MAPK10: variants seen among roughly 807,000 people sequenced by gnomAD.
The protein encoded by MAPK10 is JNK3 alpha protein kinase.
A neutral mutation model predicts 59.3 loss-of-function variants in MAPK10; 25 were observed. That is an observed-to-expected ratio of 0.42 (90% CI 0.31 to 0.59). MAPK10 has a LOEUF of 0.59. Among genes scored for constraint, MAPK10 ranks in the 20% least tolerant of loss-of-function variants. The pLI, the probability that MAPK10 is intolerant of heterozygous loss-of-function variation, is 0.15. For missense variants in MAPK10, 351 were observed against 568.9 expected, an observed-to-expected ratio of 0.62 and a Z score of 3.90; for synonymous variants, 190 against 200.5, an observed-to-expected ratio of 0.95 and a Z score of 0.44.
At chr4:86,203,679 C>T (rs1294941818) in intron 2 of MAPK10, among the ~76,000 whole-genome samples, 4 of 150,008 alleles carry the variant, frequency 2.7e-5, no homozygotes, top group African/African-American at 9.8e-5. Context: ...TACAAGAACA[C>T]AAAGTCATTG....
intron 4 of MAPK10, among the ~76,000 whole-genome samples, chr4:86,144,680 T>C (rs560931537): frequency 1.3e-5 from 2 of 152,304 alleles, no homozygotes; most frequent in South Asian, 4.1e-4. Flanking sequence ...AGATTCATAA[T>C]TTCTTATTGA....
chr4:86,496,528 A>G (rs1370592145), intron 1 of MAPK10, among the ~76,000 whole-genome samples: 1 of 152,216 alleles, frequency 6.6e-6, no homozygotes, highest in Non-Finnish European at 1.5e-5. Flanking sequence ...AGTACATGAT[A>G]CAACAGGTAC....
intron 11 of MAPK10, among the ~76,000 whole-genome samples, chr4:86,042,007 A>G (rs1437665160): frequency 1.3e-5 from 2 of 152,256 alleles, no homozygotes; most frequent in Non-Finnish European, 2.9e-5. Flanking sequence ...TTCTAAAGAC[A>G]CATGCACACA....
chr4:86,181,574 GA>G (rs1401068673), intron 3 of MAPK10, among the ~76,000 whole-genome samples: 1 of 152,108 alleles, frequency 6.6e-6, no homozygotes, highest in African/African-American at 2.4e-5. Flanking sequence ...TGAGGATGTT[GA>G]AAAATTGATT....
chr4:86,376,236 A>C (rs1028156566), intron 1 of MAPK10, among the ~76,000 whole-genome samples: 1 of 152,198 alleles, frequency 6.6e-6, no homozygotes, highest in African/African-American at 2.4e-5. Flanking sequence ...CTCCCCACTC[A>C]AAAGCTTGTC....
In MAPK10 at chr4:86,012,165, C is replaced by T. The variant is rs1741523297; in HGVS notation, c.*5063G>A. On this transcript the variant is annotated 3_prime_UTR_variant, in exon 14 of 14. Coordinates refer to ENST00000641462, the MANE Select transcript of MAPK10 (RefSeq NM_138982.4). ...ACCTTAAAAAGAAATTACTGAATTG[C>T]AGATATACAACTAGTATCTACAGAC... 6.6e-6 allele frequency: 1 copy of T among 152,092 alleles called. No homozygotes were observed. The highest frequency in any genetic ancestry group is 1.5e-5 in the Non-Finnish European group (1 of 68,010). The allele number at this position is 152,092 out of a possible 1,614,324, so 9.4% of individuals were successfully genotyped here. A position where few individuals can be genotyped will look rare whatever the true frequency, so the allele number is the denominator to read the frequency against.
intron 1 of MAPK10, among the ~76,000 whole-genome samples, chr4:86,430,862 C>A (rs1449126402): frequency 1.3e-5 from 2 of 152,118 alleles, no homozygotes; most frequent in Non-Finnish European, 2.9e-5. Context: ...AATATAGGAC[C>A]TTACCCTGAG....
intron 1 of MAPK10, among the ~76,000 whole-genome samples, chr4:86,480,976 G>C (rs747094677): frequency 2.6e-5 from 4 of 152,160 alleles, no homozygotes; most frequent in South Asian, 2.1e-4. Context: ...AACCAACAAG[G>C]CTGTCCATTC....
intron 1 of MAPK10, among the ~76,000 whole-genome samples, chr4:86,359,282 C>CTGTGTGTG (rs1339000340): frequency 7.3e-6 from 1 of 137,024 alleles, no homozygotes; most frequent in African/African-American, 2.9e-5. Flanking sequence ...CTCTCTCTCT[C>CTGTGTGTG]TCTCTCTGTG....
At chr4:86,198,275 T>A (rs369052343) in intron 2 of MAPK10, among the ~76,000 whole-genome samples, 16 of 152,186 alleles carry the variant, frequency 1.1e-4, no homozygotes, top group African/African-American at 3.4e-4. Context: ...CAGGCATGAT[T>A]CCTGCCCATT....
rs144063727 is a variant in MAPK10, at chr4:86,287,761, T to C, written c.-7+66769A>G. Among the ~76,000 whole-genome samples the C allele has an allele frequency of 4.5e-3, 682 of 152,314 alleles. 4 individuals carry two copies. Among genetic ancestry groups the C allele is most frequent in the Non-Finnish European group, 8.3e-3 (567 of 68,030 alleles). ...CAAGTTAGGATAATGTTCAATAATG[T>C]TGGTGGTATCTGGAGTAAAGATACA... On this transcript the variant is annotated intron_variant, in intron 2 of 13. Transcript: ENST00000641462.
chr4:86,383,886 G>C (rs1741094313), intron 1 of MAPK10, among the ~76,000 whole-genome samples: 1 of 152,126 alleles, frequency 6.6e-6, no homozygotes, highest in South Asian at 2.1e-4. Context: ...TGACTAACAT[G>C]CATATTAATT....
chr4:86,120,399 T>C (rs564336459), intron 4 of MAPK10: 2 of 152,226 alleles, frequency 1.3e-5, no homozygotes, highest in African/African-American at 4.8e-5. Context: ...ATCAGCAAAC[T>C]AAAGACGGGG....
intron 2 of MAPK10, among the ~76,000 whole-genome samples, chr4:86,342,089 T>C (rs577647921): frequency 6.6e-6 from 1 of 152,280 alleles, no homozygotes; most frequent in Admixed American, 6.5e-5. Flanking sequence ...ACAGCCAAAA[T>C]TGACAAGAAC....
At chr4:86,249,651 T>C (rs1316330633) in intron 2 of MAPK10, among the ~76,000 whole-genome samples, 1 of 152,172 alleles carries the variant, frequency 6.6e-6, no homozygotes, top group Non-Finnish European at 1.5e-5. Context: ...CAATCTACAG[T>C]AATGATCAGT....
intron 1 of MAPK10, among the ~76,000 whole-genome samples, chr4:86,556,177 T>C (rs1760252873): frequency 6.6e-6 from 1 of 152,184 alleles, no homozygotes; most frequent in African/African-American, 2.4e-5. Flanking sequence ...GCTAGCAATG[T>C]AATATATGTT....
intron 1 of MAPK10, among the ~76,000 whole-genome samples, chr4:86,413,193 G>A (rs1361337799): frequency 6.6e-6 from 1 of 152,122 alleles, no homozygotes; most frequent in Non-Finnish European, 1.5e-5. Context: ...GTTTGCTGGA[G>A]GTCCACTCCA....
chr4:86,579,783 T>A (rs1762137833), intron 1 of MAPK10, among the ~76,000 whole-genome samples: 1 of 152,146 alleles, frequency 6.6e-6, no homozygotes, highest in African/African-American at 2.4e-5. Context: ...AAGAAAAATA[T>A]TTTTAAAATC....
intron 1 of MAPK10, among the ~76,000 whole-genome samples, chr4:86,377,674 T>C (rs1031581940): frequency 2.6e-5 from 4 of 152,154 alleles, no homozygotes; most frequent in Non-Finnish European, 5.9e-5. Flanking sequence ...GAATGAACAA[T>C]ATTAGGAATA....
Sources: gnomAD v4.1 joint callset for allele counts (sites outside exome capture counted in the v4.1 genomes callset) on GRCh38, gnomAD v4.1.1 for gene constraint, MANE v1.5 for transcripts, NCBI Gene and HGNC (gene_info 2026-07-23, HGNC 2026-07-21) for gene names.